FAN1: variants seen among roughly 807,000 people sequenced by gnomAD.
FAN1 encodes the protein fanconi-associated nuclease 1.
A neutral mutation model predicts 104.9 loss-of-function variants in FAN1; 91 were observed. The ratio of observed to expected loss-of-function variants is 0.87; its 90% CI spans 0.73 to 1.03. The LOEUF is 1.03. FAN1 is among the 50% of genes least tolerant of loss of function. The pLI is 0.00. For missense variants in FAN1, 1,263 were observed against 1,239.9 expected (o/e 1.02, Z -0.28); for synonymous variants, 478 against 457.6 (o/e 1.04, Z -0.57).
At chr15:30,912,178 T>C (rs1162007357) in intron 4 of FAN1, among the ~76,000 whole-genome samples, 1 of 152,112 alleles carries the variant, frequency 6.6e-6, no homozygotes, top group East Asian at 1.9e-4. Context: ...GAAAATAGAA[T>C]CCTCAAGGCT....
chr15:30,922,422 C>G, intron 8 of FAN1, 68 bp downstream of exon 8: 1 of 1,438,462 alleles, frequency 7.0e-7, no homozygotes. Context: ...ATATGGCAAA[C>G]TTAATGCCTT....
intron 3 of FAN1, among the ~76,000 whole-genome samples, chr15:30,908,892 G>A (rs554891318): frequency 9.8e-5 from 15 of 152,304 alleles, no homozygotes; most frequent in Admixed American, 3.9e-4. Context: ...GCAAGAGCTT[G>A]ACTCATCTTA....
intron 10 of FAN1, chr15:30,928,032 A>C (rs2062509232): frequency 2.0e-6 from 2 of 990,478 alleles, no homozygotes. Context: ...GCAGTGTAGT[A>C]CCCAGGGGGA....
rs149906489 is a variant in FAN1 at position 30,933,646 on chromosome 15, A to G, written c.2916+2975A>G. On this transcript the variant is annotated intron_variant, in intron 13 of 14. Transcript: ENST00000362065. ...AATGTCAATTAGGTCAAGTTGGTTG[A>G]TAGTGTTGTTTAAGTTGTCTGTGTC... Among the ~76,000 whole-genome samples, 729 of 152,192 alleles carry G rather than the reference A, an allele frequency of 4.8e-3. 7 individuals carry two copies. The highest frequency in any genetic ancestry group is 0.017 in the African/African-American group (689 of 41,508).
chr15:30,932,713 TTTC>T (rs1335578634), intron 13 of FAN1, among the ~76,000 whole-genome samples: 2 of 98,466 alleles, frequency 2.0e-5, no homozygotes, highest in African/African-American at 4.1e-5. Flanking sequence ...ATTTGTTTCT[TTTC>T]TTTTTTTTTT....
chr15:30,942,910 T>C lies in FAN1; in HGVS notation c.*1348T>C. The C allele has an allele frequency of 6.4e-7, 1 of 1,567,120 alleles. No homozygotes were observed. The highest frequency in any genetic ancestry group is 1.3e-5 in the African/African-American group (1 of 74,252). ...TTTACCTTTGTCCGTTTAAAAGACTTCACGGAGCCATTCTGTATACAAGGT... is the reference window on the plus strand; with the variant it reads ...TTTACCTTTGTCCGTTTAAAAGACTCCACGGAGCCATTCTGTATACAAGGT... On this transcript the variant is annotated 3_prime_UTR_variant, in exon 15 of 15. Transcript: ENST00000362065.
chr15:30,905,907 G>A lies in FAN1; in HGVS notation c.1234+10G>A, dbSNP rs756189286. On this transcript the variant is annotated intron_variant, in intron 2 of 14. Coordinates refer to ENST00000362065, the MANE Select transcript of FAN1 (RefSeq NM_014967.5). ...TTTTATCAGTTATCAGGTATCTTAC[G>A]CACGTGTTTGTTTTCAAGTTTTCAT... The A allele has an allele frequency of 1.4e-5, 22 of 1,602,030 alleles. No homozygotes were observed. The highest frequency in any genetic ancestry group is 2.2e-5 in the East Asian group (1 of 44,758).
chr15:30,917,343 C>G (rs77260995), intron 5 of FAN1, among the ~76,000 whole-genome samples: 2,102 of 152,008 alleles, frequency 0.014, 43 homozygotes, highest in African/African-American at 0.048. Flanking sequence ...ATGGGTCTGG[C>G]CTGGAAAAAG....
intron 4 of FAN1, chr15:30,911,538 A>G (rs769202839): frequency 9.2e-6 from 9 of 980,266 alleles, no homozygotes; most frequent in East Asian, 2.3e-4. Context: ...GTAATAAGGC[A>G]GACATTAAGA....
In FAN1 at chr15:30,942,144, A is replaced by G; in HGVS notation, c.*582A>G. The G allele has an allele frequency of 6.8e-7, 1 of 1,472,546 alleles. No individual in the cohort carries two copies. The highest frequency in any genetic ancestry group is 9.2e-7 in the Non-Finnish European group (1 of 1,089,534). The allele number at this position is 1,472,546 out of a possible 1,614,324, so 91.2% of individuals were successfully genotyped here. On this transcript the variant is annotated 3_prime_UTR_variant, in exon 15 of 15. Transcript: ENST00000362065. The stretch of plus-strand genomic sequence containing the variant: ...AAGATTGAAGGATGCAATGGCAAAT[A>G]TAAACTCAATACTATGAAAAATTAA...
In FAN1 at chr15:30,942,026, T is replaced by G; in HGVS notation, c.*464T>G. On this transcript the variant is annotated 3_prime_UTR_variant, in exon 15 of 15. Transcript: ENST00000362065. ...TAATTCTTGGTCACTGATGATTCCATTCTTTAAGGCAGACGGCATTCCTCT... is the reference window on the plus strand; with the variant it reads ...TAATTCTTGGTCACTGATGATTCCAGTCTTTAAGGCAGACGGCATTCCTCT... The G allele has an allele frequency of 6.2e-7, 1 of 1,614,030 alleles. No individual in the cohort carries two copies. Among genetic ancestry groups the G allele is most frequent in the Non-Finnish European group, 8.5e-7 (1 of 1,179,886 alleles).
At chr15:30,917,237 TG>T in intron 5 of FAN1, among the ~76,000 whole-genome samples, 1 of 151,732 alleles carries the variant, frequency 6.6e-6, no homozygotes, top group African/African-American at 2.4e-5. Flanking sequence ...TTGGGAGAGG[TG>T]TTGGTGCTGG....
chr15:30,914,213 C>CT (rs2062155726), intron 5 of FAN1, 122 bp downstream of exon 5: 3 of 684,506 alleles, frequency 4.4e-6, no homozygotes, highest in Admixed American at 3.0e-5. Context: ...AGTTTTTAAT[C>CT]TTTTTTTGCC....
At chr15:30,917,940 A>G (rs1439432207) in intron 5 of FAN1, among the ~76,000 whole-genome samples, 2 of 152,366 alleles carry the variant, frequency 1.3e-5, no homozygotes, top group East Asian at 3.9e-4. Context: ...GTTATGTGAT[A>G]ATACAGCATA....
chr15:30,905,097 G>A lies in FAN1; in HGVS notation c.434G>A (p.Arg145His), dbSNP rs146408181. 3,521 of 1,613,986 alleles carry A rather than the reference G, an allele frequency of 2.2e-3. 9 individuals are homozygous for A. Among genetic ancestry groups the A allele is most frequent in the Non-Finnish European group, 2.7e-3 (3,203 of 1,179,974 alleles). Residue 145 changes from arginine to histidine, a missense_variant, in exon 2 of 15, where the codon CGT becomes CAT. Coordinates refer to ENST00000362065, the MANE Select transcript of FAN1 (RefSeq NM_014967.5). ...VCKNQDELRN[R>H]SVKVICLGSL... ...AAAAATCAAGATGAGCTGAGAAATC[G>A]TAGTGTGAAAGTCATTTGTTTGGGA...
chr15:30,914,829 G>T (rs980568589), intron 5 of FAN1, among the ~76,000 whole-genome samples: 3 of 152,148 alleles, frequency 2.0e-5, no homozygotes, highest in Non-Finnish European at 4.4e-5. Context: ...ATATACAGAT[G>T]ATAAATTAGA....
At chr15:30,909,221 A>G (rs1187254296) in intron 3 of FAN1, among the ~76,000 whole-genome samples, 1 of 152,200 alleles carries the variant, frequency 6.6e-6, no homozygotes, top group Non-Finnish European at 1.5e-5. Flanking sequence ...TAAGCGAATC[A>G]GCCAGCTGGT....
Position 30,942,643 on chromosome 15 carries a change from A to G in FAN1, c.*1081A>G. 2.2e-6 allele frequency: 1 copy of G among 460,900 alleles called. No individual in the cohort carries two copies. The highest frequency in any genetic ancestry group is 3.8e-6 in the Non-Finnish European group (1 of 264,476). 28.6% of individuals were successfully genotyped at this position (460,900 alleles called of 1,614,324 possible). A position where few individuals can be genotyped will look rare whatever the true frequency, so the allele number is the denominator to read the frequency against. On this transcript the variant is annotated 3_prime_UTR_variant, in exon 15 of 15. Coordinates refer to ENST00000362065, the MANE Select transcript of FAN1 (RefSeq NM_014967.5). ...TCAAGAAATGGATAAATGGGGCTTT[A>G]GTAAATCAGGCTTGCAGGCTCAAAG...
intron 12 of FAN1, 98 bp downstream of exon 12, chr15:30,929,495 T>C (rs2062558774): frequency 1.4e-6 from 1 of 724,438 alleles, no homozygotes; most frequent in African/African-American, 1.9e-5. Flanking sequence ...TGTGTGTATA[T>C]GTAAATACAT....
Sources: allele counts gnomAD v4.1 joint callset (sites outside exome capture counted in the v4.1 genomes callset), GRCh38; gene constraint gnomAD v4.1.1; transcripts MANE v1.5; gene names NCBI Gene and HGNC (gene_info 2026-07-23, HGNC 2026-07-21).